Variants in CACNA2D1 observed in about 807,000 individuals in gnomAD.
CACNA2D1 encodes calcium voltage-gated channel auxiliary subunit alpha2delta 1, also known as voltage-dependent calcium channel subunit alpha-2/delta-1.
CACNA2D1 carries 53 observed loss-of-function variants against 171.5 expected under a neutral mutation model. That is an observed-to-expected ratio of 0.31 (90% CI 0.25 to 0.39). CACNA2D1 has a LOEUF of 0.39. Among genes scored for constraint, CACNA2D1 ranks in the 10% least tolerant of loss-of-function variants. The probability of loss-of-function intolerance (pLI) is 1.00; values close to 1 mark genes in which losing one functional copy is unlikely to be tolerated. For missense variants in CACNA2D1, 903 were observed against 1,299.8 expected (o/e 0.69, Z 4.69); for synonymous variants, 442 against 443.1 (o/e 1.00, Z 0.03).
Position 81,967,645 on chromosome 7 carries a change from T to C in CACNA2D1, c.2414A>G (p.Asp805Gly). The C allele has an allele frequency of 6.8e-7, 1 of 1,481,074 alleles. No individual in the cohort carries two copies. The highest frequency in any genetic ancestry group is 9.4e-7 in the Non-Finnish European group (1 of 1,065,590). The allele number at this position is 1,481,074 out of a possible 1,614,324, so 91.7% of individuals were successfully genotyped here. A position where few individuals can be genotyped will look rare whatever the true frequency, so the allele number is the denominator to read the frequency against. The change falls in exon 30 of 39, where the codon GAT (aspartate) becomes GGT (glycine). Residue 805 changes from aspartate (D) to glycine (G), a missense_variant. Physicochemically the swap from Asp to Gly is moderately conservative, Grantham distance 94 (BLOSUM62 -1). Coordinates refer to ENST00000356860, the MANE Select transcript of CACNA2D1 (RefSeq NM_000722.4). ...GAAATTCTCTATCCAGGAATTTACA[T>C]CAATTTTAATTCCAACAACTGAAAA... The part of the protein sequence containing the change: ...LKPAVVGIKI[D>G]VNSWIENFTK...
intron 2 of CACNA2D1, among the ~76,000 whole-genome samples, chr7:82,346,576 G>C (rs1294610391): frequency 2.0e-5 from 3 of 151,960 alleles, no homozygotes; most frequent in African/African-American, 7.2e-5. Flanking sequence ...CTGTACCATT[G>C]TTAGCAATTA....
In CACNA2D1 at chr7:81,950,022, A is replaced by G. The variant is rs75040588; in HGVS notation, c.*370T>C. ...GAGATTTTCTTAGTAAAATTGCAGCAAGTCAAAATTCCAGGTCAATATCAA... is the reference window on the plus strand; with the variant it reads ...GAGATTTTCTTAGTAAAATTGCAGCGAGTCAAAATTCCAGGTCAATATCAA... On this transcript the variant is annotated 3_prime_UTR_variant, in exon 39 of 39. Coordinates refer to ENST00000356860, the MANE Select transcript of CACNA2D1 (RefSeq NM_000722.4). The G allele has an allele frequency of 1.6e-5, 3 of 186,390 alleles. No individual in the cohort carries two copies. Among genetic ancestry groups the G allele is most frequent in the African/African-American group, 7.0e-5 (3 of 42,574 alleles). The allele number at this position is 186,390 out of a possible 1,614,324, so 11.5% of individuals were successfully genotyped here.
At chr7:82,374,833 A>G (rs969121802) in intron 1 of CACNA2D1, among the ~76,000 whole-genome samples, 4 of 151,800 alleles carry the variant, frequency 2.6e-5, no homozygotes, top group Non-Finnish European at 5.9e-5. Flanking sequence ...TCCCCTGGCA[A>G]CACCCCTCTT....
At chr7:82,296,681 T>C (rs1585383607) in intron 3 of CACNA2D1, among the ~76,000 whole-genome samples, 1 of 152,146 alleles carries the variant, frequency 6.6e-6, no homozygotes, top group South Asian at 2.1e-4. Flanking sequence ...AATCATTCTC[T>C]CCTATGTATT....
At chr7:82,289,799 G>C (rs1811294477) in intron 3 of CACNA2D1, among the ~76,000 whole-genome samples, 1 of 152,212 alleles carries the variant, frequency 6.6e-6, no homozygotes, top group African/African-American at 2.4e-5. Flanking sequence ...CTAGTAGTTG[G>C]CAGAGTGCTT....
chr7:82,423,961 A>T (rs1435402849), intron 1 of CACNA2D1, among the ~76,000 whole-genome samples: 1 of 152,170 alleles, frequency 6.6e-6, no homozygotes, highest in East Asian at 1.9e-4. Context: ...AAGTAAAAGA[A>T]GGTTTATAAT....
chr7:82,122,459 T>G (rs2129058899), intron 5 of CACNA2D1, among the ~76,000 whole-genome samples: 1 of 152,316 alleles, frequency 6.6e-6, no homozygotes, highest in South Asian at 2.1e-4. Flanking sequence ...TGCCCATGAA[T>G]TGCCTATCAC....
At chr7:81,980,172 CAAAAAAAA>C (rs35616922) in intron 24 of CACNA2D1, among the ~76,000 whole-genome samples, 99 of 25,250 alleles carry the variant, frequency 3.9e-3, no homozygotes, top group East Asian at 0.037. Context: ...TAAAACCAAG[CAAAAAAAA>C]AAAAAAAAAA....
At chr7:82,115,337 A>C (rs1788918434) in intron 6 of CACNA2D1, among the ~76,000 whole-genome samples, 1 of 152,198 alleles carries the variant, frequency 6.6e-6, no homozygotes, top group African/African-American at 2.4e-5. Context: ...AACAGTTAGA[A>C]TAATGACAAA....
At chr7:82,378,890 G>A (rs1316582170) in intron 1 of CACNA2D1, among the ~76,000 whole-genome samples, 1 of 149,956 alleles carries the variant, frequency 6.7e-6, no homozygotes, top group Non-Finnish European at 1.5e-5. Flanking sequence ...AAGTTATATT[G>A]TTCTTTCTGC....
At position 81,950,465 on chromosome 7, in the gene CACNA2D1, G is replaced by A. The variant is rs759935042; in HGVS notation, c.3203C>T (p.Ser1068Phe). 6.2e-7 allele frequency: 1 copy of A among 1,612,996 alleles called. No homozygotes were observed. The highest frequency in any genetic ancestry group is 1.1e-5 in the South Asian group (1 of 91,044). Residue 1068 changes from serine to phenylalanine, a missense_variant, in exon 39 of 39, where the codon TCC becomes TTC. Around this residue, in one of 5 missense-constraint regions of CACNA2D1, gnomAD observed 38 missense variants for 29.2 expected, o/e 1.30. Coordinates refer to ENST00000356860, the MANE Select transcript of CACNA2D1 (RefSeq NM_000722.4). Reference sequence around the variant, plus strand: ...CTGGATTCCAATGATATACCACAGGGAGGGATTTAATCCAGAAACACCACC... The same window carrying A: ...CTGGATTCCAATGATATACCACAGGAAGGGATTTAATCCAGAAACACCACC... Reference protein sequence around the residue: ...DCGGVSGLNPSLWYIIGIQFL... With the variant: ...DCGGVSGLNPFLWYIIGIQFL...
At chr7:82,368,533 T>C (rs1822001308) in intron 1 of CACNA2D1, among the ~76,000 whole-genome samples, 1 of 152,238 alleles carries the variant, frequency 6.6e-6, no homozygotes, top group Non-Finnish European at 1.5e-5. Context: ...TTACTTTACT[T>C]TAAATTTTTG....
chr7:82,429,615 G>A (rs1414668242), intron 1 of CACNA2D1, among the ~76,000 whole-genome samples: 2 of 152,314 alleles, frequency 1.3e-5, no homozygotes, highest in East Asian at 3.9e-4. Context: ...CAGACAGGTT[G>A]TGTCACATCT....
chr7:82,146,768 C>T (rs1233323912), intron 4 of CACNA2D1, among the ~76,000 whole-genome samples: 1 of 150,804 alleles, frequency 6.6e-6, no homozygotes, highest in Non-Finnish European at 1.5e-5. Flanking sequence ...GGGTAGATCA[C>T]CTGAGGTCAG....
chr7:82,384,021 T>C (rs1428645257), intron 1 of CACNA2D1, among the ~76,000 whole-genome samples: 2 of 152,182 alleles, frequency 1.3e-5, no homozygotes, highest in African/African-American at 2.4e-5. Context: ...CCATGTAAAG[T>C]CAAGAGGCTG....
At chr7:82,039,648 A>C (rs1053343865) in intron 10 of CACNA2D1, among the ~76,000 whole-genome samples, 2 of 152,212 alleles carry the variant, frequency 1.3e-5, no homozygotes, top group African/African-American at 4.8e-5. Flanking sequence ...CAATATCAGG[A>C]GAGGCATTTC....
intron 3 of CACNA2D1, among the ~76,000 whole-genome samples, chr7:82,181,178 AAAC>A (rs1274993351): frequency 2.7e-5 from 4 of 149,794 alleles, no homozygotes; most frequent in Admixed American, 6.7e-5. Context: ...ACTGGGTTTG[AAAC>A]AACTTATGTG....
intron 3 of CACNA2D1, among the ~76,000 whole-genome samples, chr7:82,254,786 T>C (rs993897880): frequency 7.2e-5 from 11 of 152,182 alleles, no homozygotes; most frequent in Admixed American, 3.9e-4. Flanking sequence ...TCATTCATCT[T>C]TTTGCTCTAA....
chr7:82,146,470 ATCTT>A (rs1425499567), intron 4 of CACNA2D1, among the ~76,000 whole-genome samples: 2 of 145,436 alleles, frequency 1.4e-5, no homozygotes, highest in Non-Finnish European at 3.0e-5. Flanking sequence ...ATAAATATAT[ATCTT>A]TATATATACA....
Sources: gnomAD v4.1 joint callset for allele counts (sites outside exome capture counted in the v4.1 genomes callset) on GRCh38, gnomAD v4.1.1 for gene constraint, gnomAD v4.1.1 regional missense constraint, MANE v1.5 for transcripts, NCBI Gene and HGNC (gene_info 2026-07-23, HGNC 2026-07-21) for gene names.